IFT88: variants seen among roughly 807,000 people sequenced by gnomAD.
IFT88 encodes the protein intraflagellar transport protein 88 homolog.
Under a neutral mutation model 119.5 loss-of-function variants are expected in IFT88, and 74 were observed. The observed-to-expected ratio is 0.62, with a 90% CI of 0.51 to 0.75. IFT88 has a LOEUF of 0.75. IFT88 is among the 30% of genes least tolerant of loss of function. IFT88 has a pLI of 0.00. For synonymous variants in IFT88, 279 were observed against 316.7 expected (o/e 0.88, Z 1.26); for missense variants, 961 against 977.7 (o/e 0.98, Z 0.23).
At chr13:20,572,068 C>T (rs534140351) in intron 1 of IFT88, among the ~76,000 whole-genome samples, 1 of 152,094 alleles carries the variant, frequency 6.6e-6, no homozygotes, top group South Asian at 2.1e-4. Flanking sequence ...TTTCCCTCAA[C>T]ATTTCATTAT....
intron 13 of IFT88, chr13:20,608,072 G>C (rs1023028168): frequency 1.9e-6 from 1 of 520,008 alleles, no homozygotes; most frequent in Admixed American, 2.6e-5. Context: ...GACTATCATG[G>C]CTGCAACAAT....
At chr13:20,587,204 G>T (rs780278722) in intron 3 of IFT88, among the ~76,000 whole-genome samples, 2 of 151,386 alleles carry the variant, frequency 1.3e-5, no homozygotes, top group Non-Finnish European at 2.9e-5. Context: ...GTGTGTTAAT[G>T]GTTTTGTTTA....
At chr13:20,670,693 C>T (rs937509265) in intron 23 of IFT88, among the ~76,000 whole-genome samples, 2 of 151,866 alleles carry the variant, frequency 1.3e-5, no homozygotes, top group South Asian at 4.2e-4. Flanking sequence ...CAAGAAAATA[C>T]TGTTTAGTTT....
intron 1 of IFT88, among the ~76,000 whole-genome samples, chr13:20,574,158 CT>C (rs2036920937): frequency 6.6e-6 from 1 of 151,952 alleles, no homozygotes; most frequent in Non-Finnish European, 1.5e-5. Context: ...GAGATCCCAT[CT>C]TTACAAAAAA....
chr13:20,618,199 C>T (rs1017183299), intron 14 of IFT88, among the ~76,000 whole-genome samples: 6 of 152,182 alleles, frequency 3.9e-5, no homozygotes, highest in East Asian at 1.9e-4. Flanking sequence ...GGATTATGGT[C>T]GTGAGCCACT....
chr13:20,597,745 C>CAAAAA (rs1174154005), intron 9 of IFT88, among the ~76,000 whole-genome samples: 2 of 140,862 alleles, frequency 1.4e-5, no homozygotes, highest in Non-Finnish European at 1.5e-5. Context: ...GACTCCGTCT[C>CAAAAA]AAAAAAAAAA....
At chr13:20,646,839 G>T (rs976447696) in intron 20 of IFT88, among the ~76,000 whole-genome samples, 1 of 145,692 alleles carries the variant, frequency 6.9e-6, no homozygotes, top group South Asian at 2.2e-4. Flanking sequence ...TCCCTTTCTT[G>T]CTAACATTCC....
intron 1 of IFT88, among the ~76,000 whole-genome samples, chr13:20,570,149 A>G (rs1439643020): frequency 6.6e-6 from 1 of 152,218 alleles, no homozygotes; most frequent in African/African-American, 2.4e-5. Flanking sequence ...CATCAGGGGA[A>G]TGCAAGTCAA....
intron 22 of IFT88, among the ~76,000 whole-genome samples, chr13:20,660,881 G>A (rs1377900963): frequency 1.3e-5 from 2 of 152,038 alleles, no homozygotes; most frequent in Non-Finnish European, 2.9e-5. Flanking sequence ...GAAGTTGGGG[G>A]CCATCTTCAT....
intron 23 of IFT88, among the ~76,000 whole-genome samples, chr13:20,669,120 G>A (rs1459871097): frequency 1.3e-5 from 2 of 152,184 alleles, no homozygotes; most frequent in African/African-American, 4.8e-5. Flanking sequence ...AAGGAGGCAA[G>A]GACCATAGTT....
chr13:20,683,782 C>T (rs1225011465), intron 24 of IFT88, among the ~76,000 whole-genome samples: 2 of 152,182 alleles, frequency 1.3e-5, no homozygotes, highest in Non-Finnish European at 2.9e-5. Flanking sequence ...TCCAAATCCT[C>T]CTGTTTGATT....
chr13:20,638,478 A>G lies in IFT88; in HGVS notation c.1533A>G (p.Leu511=), dbSNP rs2049361777. The G allele has an allele frequency of 6.6e-7, 1 of 1,519,406 alleles. No individual in the cohort carries two copies. Among genetic ancestry groups the G allele is most frequent in the Non-Finnish European group, 8.8e-7 (1 of 1,141,618 alleles). 94.1% of individuals were successfully genotyped at this position (1,519,406 alleles called of 1,614,324 possible). A position where few individuals can be genotyped will look rare whatever the true frequency, so the allele number is the denominator to read the frequency against. ...EKAAEFYKEA[L]RNDSSCTEAL... is the part of the protein sequence containing the mutation. Reference sequence around the variant, plus strand: ...CCGCTGAATTCTATAAAGAGGCTCTAAGAAATGATTCTTCTTGTACTGAAG... The same window carrying G: ...CCGCTGAATTCTATAAAGAGGCTCTGAGAAATGATTCTTCTTGTACTGAAG... Residue 511 remains leucine (L), a synonymous_variant, in exon 17 of 26, where the codon CTA becomes CTG. Coordinates refer to ENST00000351808, the MANE Select transcript of IFT88 (RefSeq NM_006531.5).
intron 22 of IFT88, among the ~76,000 whole-genome samples, chr13:20,659,400 G>A (rs908487506): frequency 1.3e-5 from 2 of 151,876 alleles, no homozygotes; most frequent in African/African-American, 2.4e-5. Context: ...AGGCTGAGAT[G>A]GAAGGATCGC....
intron 12 of IFT88, 27 bp from the exon 13 acceptor site, chr13:20,605,007 CT>C (rs1394455568): frequency 5.3e-6 from 6 of 1,127,652 alleles, no homozygotes; most frequent in Admixed American, 2.0e-5. Flanking sequence ...CTGAATTATT[CT>C]TTTTTTCTTC....
intron 24 of IFT88, among the ~76,000 whole-genome samples, chr13:20,672,308 C>G (rs1374776569): frequency 6.6e-6 from 1 of 152,170 alleles, no homozygotes; most frequent in African/African-American, 2.4e-5. Flanking sequence ...CCAGCTAAAC[C>G]TCATGGTGCT....
chr13:20,677,787 A>C (rs1024806665), intron 24 of IFT88, among the ~76,000 whole-genome samples: 2 of 152,232 alleles, frequency 1.3e-5, no homozygotes, highest in Non-Finnish European at 2.9e-5. Context: ...AGCTTTTACA[A>C]AGTGTCTAAT....
At chr13:20,585,148 G>C (rs2039434565) in intron 3 of IFT88, among the ~76,000 whole-genome samples, 1 of 152,124 alleles carries the variant, frequency 6.6e-6, no homozygotes, top group Admixed American at 6.6e-5. Context: ...CATTTAGTGT[G>C]GTTCCTTGCA....
chr13:20,626,636 A>G (rs964666199), intron 15 of IFT88, among the ~76,000 whole-genome samples: 2 of 151,752 alleles, frequency 1.3e-5, no homozygotes, highest in Non-Finnish European at 2.9e-5. Flanking sequence ...GGGTTTTAGA[A>G]CCCCGCAGAT....
chr13:20,688,037 C>G (rs892324991), intron 24 of IFT88, among the ~76,000 whole-genome samples: 1 of 152,112 alleles, frequency 6.6e-6, no homozygotes, highest in East Asian at 1.9e-4. Context: ...TAGGCCAAGT[C>G]GGAAAGAGGC....
Sources: gnomAD v4.1 joint callset for allele counts (sites outside exome capture counted in the v4.1 genomes callset) on GRCh38, gnomAD v4.1.1 for gene constraint, MANE v1.5 for transcripts, NCBI Gene and HGNC (gene_info 2026-07-23, HGNC 2026-07-21) for gene names.